The following MAPK10 variants were observed in gnomAD, a reference collection of about 807,000 sequenced individuals.
MAPK10 encodes mitogen-activated protein kinase 10, also known as JNK3 alpha protein kinase.
MAPK10 carries 25 observed loss-of-function variants against 59.3 expected under a neutral mutation model. That is an observed-to-expected ratio of 0.42 (90% CI 0.31 to 0.59). The LOEUF is 0.59. Among genes scored for constraint, MAPK10 ranks in the 20% least tolerant of loss-of-function variants. MAPK10 has a pLI of 0.15. For synonymous variants in MAPK10, 190 were observed against 200.5 expected, an observed-to-expected ratio of 0.95 and a Z score of 0.44; for missense variants, 351 against 568.9, an observed-to-expected ratio of 0.62 and a Z score of 3.90.
chr4:86,577,134 C>T lies in MAPK10; in HGVS notation c.-263+16776G>A, dbSNP rs118189003. On this transcript the variant is annotated intron_variant, in intron 1 of 4. Coordinates refer to the MAPK10 transcript ENST00000502302. Reference sequence around the variant, plus strand: ...AGCTGAGCAATGTAGTGAGAACCCCCGCAACCACCCACCTCTACAAAAAAT... The same window carrying T: ...AGCTGAGCAATGTAGTGAGAACCCCTGCAACCACCCACCTCTACAAAAAAT... Among the ~76,000 whole-genome samples the T allele has an allele frequency of 2.0e-3, 297 of 151,990 alleles. 6 individuals are homozygous for T. In the East Asian group the frequency reaches 0.033, roughly 17 times the overall value.
At chr4:86,183,474 AT>A (rs1206993895) in intron 3 of MAPK10, among the ~76,000 whole-genome samples, 3 of 151,872 alleles carry the variant, frequency 2.0e-5, no homozygotes, top group African/African-American at 7.3e-5. Flanking sequence ...TGAACTCATC[AT>A]TTTTTATGGC....
At chr4:86,129,019 T>C (rs751328483) in intron 4 of MAPK10, among the ~76,000 whole-genome samples, 15 of 152,288 alleles carry the variant, frequency 9.8e-5, no homozygotes, top group South Asian at 2.1e-4. Flanking sequence ...AATTTGTTCA[T>C]TTATTCACTT....
intron 2 of MAPK10, among the ~76,000 whole-genome samples, chr4:86,310,623 G>A (rs2095649681): frequency 1.3e-5 from 2 of 152,096 alleles, no homozygotes; most frequent in Admixed American, 6.6e-5. Context: ...AACATGTCAA[G>A]GGAAAAGTTG....
chr4:86,566,304 G>A (rs1761055974), intron 1 of MAPK10, among the ~76,000 whole-genome samples: 1 of 152,170 alleles, frequency 6.6e-6, no homozygotes, highest in African/African-American at 2.4e-5. Context: ...TGTGATGATA[G>A]TGGATCTATG....
intron 11 of MAPK10, among the ~76,000 whole-genome samples, chr4:86,035,076 G>A (rs1305935814): frequency 3.3e-5 from 5 of 152,070 alleles, no homozygotes; most frequent in Non-Finnish European, 7.4e-5. Context: ...GGTGGATCAA[G>A]GATGATCCAG....
intron 1 of MAPK10, among the ~76,000 whole-genome samples, chr4:86,449,556 T>A (rs17011913): frequency 6.6e-6 from 1 of 152,340 alleles, no homozygotes; most frequent in Non-Finnish European, 1.5e-5. Context: ...ACAGATGATA[T>A]GGTTTTGGGT....
intron 2 of MAPK10, among the ~76,000 whole-genome samples, chr4:86,269,120 C>T (rs561986956): frequency 6.6e-6 from 1 of 152,058 alleles, no homozygotes; most frequent in Non-Finnish European, 1.5e-5. Context: ...AATACCAGTA[C>T]CATGAGATAA....
At chr4:86,220,023 AT>A (rs1219193437) in intron 2 of MAPK10, 1 of 152,178 alleles carries the variant, frequency 6.6e-6, no homozygotes, top group Non-Finnish European at 1.5e-5. Context: ...ATGTTTACAC[AT>A]TTTATCCACA....
chr4:86,311,644 A>G (rs1001664102), intron 2 of MAPK10, among the ~76,000 whole-genome samples: 3 of 152,068 alleles, frequency 2.0e-5, no homozygotes, highest in African/African-American at 7.2e-5. Flanking sequence ...CTTTATTCCT[A>G]GGTGTGTTGC....
At chr4:86,399,227 G>A (rs1379630440) in intron 1 of MAPK10, among the ~76,000 whole-genome samples, 1 of 152,178 alleles carries the variant, frequency 6.6e-6, no homozygotes, top group Non-Finnish European at 1.5e-5. Context: ...CACCTACAGT[G>A]TATAAGCATT....
intron 11 of MAPK10, among the ~76,000 whole-genome samples, chr4:86,056,591 T>C (rs1299418075): frequency 6.7e-6 from 1 of 149,850 alleles, no homozygotes; most frequent in African/African-American, 2.5e-5. Context: ...ATAGAGCAAG[T>C]AACACAGGAT....
At chr4:86,390,795 A>G (rs1192999650) in intron 1 of MAPK10, among the ~76,000 whole-genome samples, 1 of 152,202 alleles carries the variant, frequency 6.6e-6, no homozygotes. Context: ...GGAGTGGATC[A>G]TGAATGCTAA....
chr4:86,170,062 G>T (rs1044588155), intron 3 of MAPK10, among the ~76,000 whole-genome samples: 2 of 151,920 alleles, frequency 1.3e-5, no homozygotes, highest in East Asian at 3.9e-4. Context: ...TGAAGGAAGC[G>T]CTAAACATGG....
rs1165000444 is a variant in MAPK10 at position 86,103,262 on chromosome 4, G to A, written c.367-18C>T. ...CTAATAATCTGAAAGAGAGTGGAAG[G>A]GACAGAGGAAACGAGAGAAAGAAAA... On this transcript the variant is annotated intron_variant, in intron 5 of 13. Transcript: ENST00000641462. 8.0e-7 allele frequency: 1 copy of A among 1,243,386 alleles called. No homozygotes were observed. The allele number at this position is 1,243,386 out of a possible 1,614,324, so 77.0% of individuals were successfully genotyped here.
At chr4:86,316,567 G>A (rs1459566381) in intron 2 of MAPK10, among the ~76,000 whole-genome samples, 3 of 151,990 alleles carry the variant, frequency 2.0e-5, no homozygotes, top group Non-Finnish European at 2.9e-5. Flanking sequence ...TAACATACAG[G>A]TGAATTTGCA....
At chr4:86,456,629 GACCAA>G (rs1257220161), upstream of MAPK10, among the ~76,000 whole-genome samples, 1 of 151,866 alleles carries the variant, frequency 6.6e-6, no homozygotes, top group Non-Finnish European at 1.5e-5. Flanking sequence ...ACTCTGAACA[GACCAA>G]TAACAAACAG....
At chr4:86,464,827 A>T (rs1752054295) in intron 1 of MAPK10, among the ~76,000 whole-genome samples, 1 of 152,154 alleles carries the variant, frequency 6.6e-6, no homozygotes, top group South Asian at 2.1e-4. Flanking sequence ...CTCAAAAAAA[A>T]AAAAAGAATG....
chr4:86,103,598 G>C (rs946014070), intron 5 of MAPK10, among the ~76,000 whole-genome samples: 2 of 152,052 alleles, frequency 1.3e-5, no homozygotes, highest in African/African-American at 4.8e-5. Flanking sequence ...GAGAGAGGTG[G>C]CAGTAAAACA....
rs187303840 is a variant in MAPK10 at position 86,210,554 on chromosome 4, A to C, written c.-6-16147T>G. Among the ~76,000 whole-genome samples the C allele has an allele frequency of 2.0e-5, 3 of 152,156 alleles. No individual in the cohort carries two copies. The East Asian group carries it at 5.8e-4, about 29-fold the overall frequency. Reference sequence around the variant, plus strand: ...AAAGGATAAATGCTTGAGGTGATGGATACCCTATTTACCCTGATGTGATTT... The same window carrying C: ...AAAGGATAAATGCTTGAGGTGATGGCTACCCTATTTACCCTGATGTGATTT... On this transcript the variant is annotated intron_variant, in intron 2 of 13. Transcript: ENST00000641462.
Sources: allele counts gnomAD v4.1 joint callset (sites outside exome capture counted in the v4.1 genomes callset), GRCh38; gene constraint gnomAD v4.1.1; transcripts MANE v1.5; gene names NCBI Gene and HGNC (gene_info 2026-07-23, HGNC 2026-07-21).